The following KCNQ1 variants were observed in gnomAD, a reference collection of about 807,000 sequenced individuals.
KCNQ1 encodes the protein potassium voltage-gated channel subfamily Q member 1, also known as potassium voltage-gated channel subfamily KQT member 1.
Under a neutral mutation model 72.4 loss-of-function variants are expected in KCNQ1, and 49 were observed. That is an observed-to-expected ratio of 0.68 (90% CI 0.54 to 0.86). The LOEUF (loss-of-function observed/expected upper bound fraction) is 0.86. KCNQ1 is among the 40% of genes least tolerant of loss of function. KCNQ1 has a pLI of 0.00. For synonymous variants in KCNQ1, 450 were observed against 412.6 expected, an observed-to-expected ratio of 1.09 and a Z score of -1.10; for missense variants, 790 against 945.1, an observed-to-expected ratio of 0.84 and a Z score of 2.15.
intron 1 of KCNQ1, among the ~76,000 whole-genome samples, chr11:2,522,984 A>G (rs1847415086): frequency 6.6e-6 from 1 of 152,186 alleles, no homozygotes; most frequent in Non-Finnish European, 1.5e-5. Flanking sequence ...TTCCTGCTGC[A>G]GTAACTCCAC....
chr11:2,556,168 C>G (rs1848067400), intron 2 of KCNQ1, among the ~76,000 whole-genome samples: 1 of 152,130 alleles, frequency 6.6e-6, no homozygotes, highest in Non-Finnish European at 1.5e-5. Flanking sequence ...TACAGCGCCC[C>G]CCGGCCGGCA....
At chr11:2,776,094 C>A (rs12720453) in intron 13 of KCNQ1, 40 bp downstream of exon 13, 1 of 1,485,814 alleles carries the variant, frequency 6.7e-7, no homozygotes, top group Non-Finnish European at 9.1e-7. Context: ...GTGCCCAGGT[C>A]CTGCCCAGCC....
rs1848844097 is a variant in KCNQ1, at chr11:2,603,990, C to CG, written c.1393+15136_1393+15137insG. Among the ~76,000 whole-genome samples the CG allele has an allele frequency of 6.6e-6, 1 of 152,060 alleles. No individual in the cohort carries two copies. Among genetic ancestry groups the CG allele is most frequent in the Non-Finnish European group, 1.5e-5 (1 of 68,008 alleles). On this transcript the variant is annotated intron_variant, in intron 10 of 15. Coordinates refer to ENST00000155840, the MANE Select transcript of KCNQ1 (RefSeq NM_000218.3). This position sits in a 1 kb window ranked among gnomAD's most constrained non-coding sequence, Gnocchi z 4.1. ...ACAGGCGTGAGCCACTGCACCCGGC[C>CG]CTTGTGCTTCATTCTTTTATGAATG...
chr11:2,454,053 A>T (rs771269677), intron 1 of KCNQ1, among the ~76,000 whole-genome samples: 4 of 152,126 alleles, frequency 2.6e-5, no homozygotes, highest in Non-Finnish European at 5.9e-5. Flanking sequence ...TACAGGTATG[A>T]GCCACCACAC....
Position 2,645,247 on chromosome 11 carries a change from T to C in KCNQ1, c.1394-16714T>C, listed in dbSNP as rs57153276. ...GGTGGCAAATTCAAGTGAATGCCAG[T>C]TGTGGTGGTAATGGTCAGTTGGGTA... On this transcript the variant is annotated intron_variant, in intron 10 of 15. Transcript: ENST00000155840. This position sits in a 1 kb window ranked among gnomAD's most constrained non-coding sequence, Gnocchi z 5.8. 3.5e-3 allele frequency: 1,388 copies of C among 398,524 alleles called. 21 individuals are homozygous for C. Among genetic ancestry groups the C allele is most frequent in the African/African-American group, 0.026 (1,287 of 48,648 alleles). The allele number at this position is 398,524 out of a possible 1,614,324, so 24.7% of individuals were successfully genotyped here.
chr11:2,704,137 G>A lies in KCNQ1; in HGVS notation c.1514+42056G>A, dbSNP rs1310112093. ...TGCATTGGTCCACACACCCACCACT[G>A]CAGCTGTCCTGGGTAAGGGCTCTGT... On this transcript the variant is annotated intron_variant, in intron 11 of 15. Coordinates refer to ENST00000155840, the MANE Select transcript of KCNQ1 (RefSeq NM_000218.3). This position sits in a 1 kb window ranked among gnomAD's most constrained non-coding sequence, Gnocchi z 4.3. Among the ~76,000 whole-genome samples, 1 of 152,242 alleles carries A rather than the reference G, an allele frequency of 6.6e-6. No homozygotes were observed. Among genetic ancestry groups the A allele is most frequent in the Non-Finnish European group, 1.5e-5 (1 of 68,042 alleles).
chr11:2,683,319 G>C lies in KCNQ1; in HGVS notation c.1514+21238G>C. On this transcript the variant is annotated intron_variant, in intron 11 of 15. Coordinates refer to ENST00000155840, the MANE Select transcript of KCNQ1 (RefSeq NM_000218.3). This position sits in a 1 kb window ranked among gnomAD's most constrained non-coding sequence, Gnocchi z 4.7. ...TGCAAAACCAGACACATAGAGGCCA[G>C]GTTTCCCCCGCTCAACACTAGGCCA... The C allele has an allele frequency of 2.5e-6, 1 of 398,594 alleles. No individual in the cohort carries two copies. Among genetic ancestry groups the C allele is most frequent in the Non-Finnish European group, 4.4e-6 (1 of 226,066 alleles). 24.7% of individuals were successfully genotyped at this position (398,594 alleles called of 1,614,324 possible). A position where few individuals can be genotyped will look rare whatever the true frequency, so the allele number is the denominator to read the frequency against.
At chr11:2,791,792 G>GCCGCA (rs1285781625) in intron 15 of KCNQ1, among the ~76,000 whole-genome samples, 1 of 152,122 alleles carries the variant, frequency 6.6e-6, no homozygotes, top group Non-Finnish European at 1.5e-5. Flanking sequence ...TCCTCGCCGC[G>GCCGCA]CCGCTCCGGG....
chr11:2,689,474 T>A (rs902488497), intron 11 of KCNQ1: 3 of 398,580 alleles, frequency 7.5e-6, no homozygotes, highest in Admixed American at 4.4e-5. Context: ...CTGCTCTGCC[T>A]ACCTGCATTC....
At position 2,544,998 on chromosome 11, in the gene KCNQ1, A is replaced by G. The variant is rs1192415059; in HGVS notation, c.477+16980A>G. ...AATACTATAGCTGAGAGCTTTTAAT[A>G]TGAATGGGTGTTAAATTTTGTCAAA... is the stretch of plus-strand genomic sequence containing the variant. On this transcript the variant is annotated intron_variant, in intron 2 of 15. Coordinates refer to ENST00000155840, the MANE Select transcript of KCNQ1 (RefSeq NM_000218.3). The surrounding 1 kb of genome is among the most constrained non-coding windows in gnomAD (Gnocchi z 4.4). Among the ~76,000 whole-genome samples, 1 of 152,212 alleles carries G rather than the reference A, an allele frequency of 6.6e-6. No individual in the cohort carries two copies. Among genetic ancestry groups the G allele is most frequent in the Non-Finnish European group, 1.5e-5 (1 of 68,044 alleles).
chr11:2,589,975 T>C (rs564171416), intron 10 of KCNQ1, among the ~76,000 whole-genome samples: 9 of 152,304 alleles, frequency 5.9e-5, no homozygotes, highest in Admixed American at 4.6e-4. Context: ...ACGGATGCCC[T>C]TGAGAGTTAG....
Position 2,544,417 on chromosome 11 carries a change from TATATGGTTACATACCTA to T in KCNQ1, c.477+16405_477+16421del, listed in dbSNP as rs1331235634. 6.6e-5 allele frequency among the ~76,000 whole-genome samples: 10 copies of T among 151,132 alleles called. No individual in the cohort carries two copies. The highest frequency in any genetic ancestry group is 2.2e-4 in the African/African-American group (9 of 41,218). ...GTGTATATATGTGTGTGTATATATA[TATATGGTTACATACCTA>T]ATATGTATATGGTTATATATCTCTT... On this transcript the variant is annotated intron_variant, in intron 2 of 15. Coordinates refer to ENST00000155840, the MANE Select transcript of KCNQ1 (RefSeq NM_000218.3). The surrounding 1 kb of genome is among the most constrained non-coding windows in gnomAD (Gnocchi z 4.4).
In KCNQ1 at chr11:2,446,147, A is replaced by C. The variant is rs1334483855; in HGVS notation, c.386+663A>C. ...TCCCGGAGAAAGCAGCGCTGGTAGC[A>C]GAGGCACCTGGCCCCCCTGTTACCA... On this transcript the variant is annotated intron_variant, in intron 1 of 15. Transcript: ENST00000155840. This position sits in a 1 kb window ranked among gnomAD's most constrained non-coding sequence, Gnocchi z 8.8. 6.6e-6 allele frequency among the ~76,000 whole-genome samples: 1 copy of C among 152,220 alleles called. No individual in the cohort carries two copies. Among genetic ancestry groups the C allele is most frequent in the Admixed American group, 6.5e-5 (1 of 15,282 alleles).
intron 11 of KCNQ1, 32 bp downstream of exon 11, chr11:2,662,113 C>T: frequency 6.2e-7 from 1 of 1,613,638 alleles, no homozygotes; most frequent in East Asian, 2.2e-5. Context: ...AAGGGCTGGG[C>T]TGGAGGGGAC....
At chr11:2,618,760 AT>A in intron 10 of KCNQ1, 1 of 398,474 alleles carries the variant, frequency 2.5e-6, no homozygotes, top group Admixed American at 4.4e-5. Flanking sequence ...TTCAATCTGT[AT>A]ATTGATTTGG....
chr11:2,692,372 T>G (rs1850602572), intron 11 of KCNQ1: 1 of 398,888 alleles, frequency 2.5e-6, no homozygotes, highest in Non-Finnish European at 4.4e-6. Context: ...ACTGGCATTC[T>G]CACATCCCCT....
chr11:2,694,710 G>A (rs539216031), intron 11 of KCNQ1: 22 of 398,578 alleles, frequency 5.5e-5, no homozygotes, highest in South Asian at 1.3e-4. Context: ...CCTCTCTTCC[G>A]GTGGAAGAGA....
In KCNQ1 at chr11:2,599,761, G is replaced by T. The variant is rs570683041; in HGVS notation, c.1393+10907G>T. Among the ~76,000 whole-genome samples, 31 of 152,286 alleles carry T rather than the reference G, an allele frequency of 2.0e-4. No individual in the cohort carries two copies. The highest frequency in any genetic ancestry group is 7.5e-4 in the African/African-American group (31 of 41,560). ...GGCACTTGCACCCTGGTGTTTCTCT[G>T]TGTGTCCAAATATCCTTTTCTTTAA... On this transcript the variant is annotated intron_variant, in intron 10 of 15. Coordinates refer to ENST00000155840, the MANE Select transcript of KCNQ1 (RefSeq NM_000218.3). The surrounding 1 kb of genome is among the most constrained non-coding windows in gnomAD (Gnocchi z 4.7).
At chr11:2,721,900 G>T (rs760845930) in intron 11 of KCNQ1, among the ~76,000 whole-genome samples, 3 of 152,210 alleles carry the variant, frequency 2.0e-5, no homozygotes, top group Admixed American at 6.5e-5. Context: ...AGACCCCACC[G>T]TGGACTTCTC....
Sources: gnomAD v4.1 joint callset for allele counts (sites outside exome capture counted in the v4.1 genomes callset) on GRCh38, gnomAD v4.1.1 for gene constraint, Gnocchi (gnomAD v3.1) non-coding constraint, MANE v1.5 for transcripts, NCBI Gene and HGNC (gene_info 2026-07-23, HGNC 2026-07-21) for gene names.